SOX6: variants seen among roughly 807,000 people sequenced by gnomAD.
SOX6 encodes the protein transcription factor SOX-6.
A neutral mutation model predicts 97.8 loss-of-function variants in SOX6; 11 were observed. The observed-to-expected ratio is 0.11, with a 90% CI of 0.07 to 0.19. SOX6 has a LOEUF of 0.19. Ranked by LOEUF, SOX6 falls within the 10% of genes least tolerant of loss-of-function variation. The pLI, the probability that SOX6 is intolerant of heterozygous loss-of-function variation, is 1.00. For synonymous variants in SOX6, 360 were observed against 371.4 expected, an observed-to-expected ratio of 0.97 and a Z score of 0.35; for missense variants, 810 against 1,039.5, an observed-to-expected ratio of 0.78 and a Z score of 3.04.
intron 9 of SOX6, among the ~76,000 whole-genome samples, chr11:16,079,756 A>G (rs1281999893): frequency 6.6e-6 from 1 of 152,100 alleles, no homozygotes; most frequent in Admixed American, 6.6e-5. Context: ...AACTTTACTA[A>G]CCATCACTTT....
chr11:16,461,125 T>C (rs1241416623), intron 1 of SOX6, among the ~76,000 whole-genome samples: 3 of 152,110 alleles, frequency 2.0e-5, no homozygotes, highest in African/African-American at 7.2e-5. Flanking sequence ...AGTACAATCA[T>C]TTCCCTCTGA....
chr11:16,012,509 C>A (rs1854761959), intron 13 of SOX6, among the ~76,000 whole-genome samples: 1 of 151,972 alleles, frequency 6.6e-6, no homozygotes, highest in Admixed American at 6.6e-5. Flanking sequence ...GCCACTACAG[C>A]CCTTCTACTA....
At chr11:16,119,855 T>C (rs970678484) in intron 6 of SOX6, among the ~76,000 whole-genome samples, 4 of 152,192 alleles carry the variant, frequency 2.6e-5, no homozygotes, top group Non-Finnish European at 1.5e-5. Flanking sequence ...CTACAGCTAA[T>C]GTAATATATC....
chr11:16,222,052 A>T (rs938332861), intron 4 of SOX6, among the ~76,000 whole-genome samples: 1 of 152,130 alleles, frequency 6.6e-6, no homozygotes, highest in Non-Finnish European at 1.5e-5. Flanking sequence ...CTTTAACTCC[A>T]TATCAAAATG....
intron 3 of SOX6, among the ~76,000 whole-genome samples, chr11:16,279,491 T>A (rs1481617842): frequency 6.6e-6 from 1 of 152,102 alleles, no homozygotes; most frequent in South Asian, 2.1e-4. Context: ...GTGACTATAT[T>A]TCTTTATATG....
chr11:16,289,136 T>C (rs952783496), intron 3 of SOX6, among the ~76,000 whole-genome samples: 9 of 151,988 alleles, frequency 5.9e-5, no homozygotes, highest in Non-Finnish European at 1.0e-4. Flanking sequence ...AAATTTTCCA[T>C]TAGCTATTTG....
intron 6 of SOX6, among the ~76,000 whole-genome samples, chr11:16,170,251 A>G (rs190365820): frequency 1.2e-3 from 183 of 152,184 alleles, no homozygotes; most frequent in Non-Finnish European, 2.1e-3. Flanking sequence ...ACCTTTACAG[A>G]ATGTGTATAA....
intron 3 of SOX6, among the ~76,000 whole-genome samples, chr11:16,252,181 G>A (rs1590065238): frequency 1.3e-5 from 2 of 152,240 alleles, no homozygotes; most frequent in East Asian, 1.9e-4. Flanking sequence ...AGAACATATC[G>A]TAGACTTCCC....
intron 1 of SOX6, among the ~76,000 whole-genome samples, chr11:16,458,069 T>A (rs1859845857): frequency 6.6e-6 from 1 of 152,054 alleles, no homozygotes; most frequent in South Asian, 2.1e-4. Context: ...CCTTTTGCTC[T>A]CATGTTGCTC....
chr11:16,109,466 T>A (rs1849175142), intron 7 of SOX6, among the ~76,000 whole-genome samples: 1 of 152,118 alleles, frequency 6.6e-6, no homozygotes. Context: ...CCTCCCAACG[T>A]GCTGGGATTA....
chr11:16,464,829 C>T (rs1859998214), intron 1 of SOX6, among the ~76,000 whole-genome samples: 1 of 151,924 alleles, frequency 6.6e-6, no homozygotes, highest in Admixed American at 6.6e-5. Context: ...TCCTAAAATT[C>T]CTAAAGTTGT....
intron 4 of SOX6, among the ~76,000 whole-genome samples, chr11:16,558,851 A>G (rs937588353): frequency 1.3e-5 from 2 of 152,040 alleles, no homozygotes; most frequent in African/African-American, 4.8e-5. Flanking sequence ...TTTTTCTTTC[A>G]AAGTAAAAAA....
intron 1 of SOX6, among the ~76,000 whole-genome samples, chr11:16,396,585 T>C (rs893208006): frequency 6.6e-6 from 1 of 151,618 alleles, no homozygotes. Context: ...GGAATTGCAA[T>C]GTAAGGCAAG....
intron 2 of SOX6, among the ~76,000 whole-genome samples, chr11:16,320,339 A>G (rs557360695): frequency 1.8e-4 from 27 of 152,152 alleles, no homozygotes; most frequent in Non-Finnish European, 2.8e-4. Context: ...TACACAGTTA[A>G]TAACTAATGG....
chr11:16,550,494 A>G (rs1685604913), intron 4 of SOX6, among the ~76,000 whole-genome samples: 1 of 151,982 alleles, frequency 6.6e-6, no homozygotes, highest in South Asian at 2.1e-4. Context: ...TAAAAAAATA[A>G]AAAATCTATA....
At chr11:16,722,068 C>A (rs1487669868) in intron 2 of SOX6, among the ~76,000 whole-genome samples, 1 of 151,984 alleles carries the variant, frequency 6.6e-6, no homozygotes, top group East Asian at 1.9e-4. Flanking sequence ...AAACCAAAAA[C>A]TATAAAAACC....
intron 3 of SOX6, among the ~76,000 whole-genome samples, chr11:16,694,570 A>G (rs1012988390): frequency 2.0e-5 from 3 of 152,224 alleles, no homozygotes; most frequent in African/African-American, 7.2e-5. Context: ...TCAGAAAAAT[A>G]CAGAGGTACT....
chr11:16,596,738 C>G (rs1848216148), intron 4 of SOX6, among the ~76,000 whole-genome samples: 1 of 152,190 alleles, frequency 6.6e-6, no homozygotes, highest in Non-Finnish European at 1.5e-5. Flanking sequence ...TTTTCACCAT[C>G]AAGGATTCTT....
At chr11:16,298,412 G>T (rs1590104143) in intron 3 of SOX6, among the ~76,000 whole-genome samples, 2 of 151,736 alleles carry the variant, frequency 1.3e-5, no homozygotes, top group East Asian at 1.9e-4. Flanking sequence ...AAATTTATGT[G>T]TTTTTTTTAG....
Sources: allele counts gnomAD v4.1 joint callset (sites outside exome capture counted in the v4.1 genomes callset), GRCh38; gene constraint gnomAD v4.1.1; transcripts MANE v1.5; gene names NCBI Gene and HGNC (gene_info 2026-07-23, HGNC 2026-07-21).